The following TMCO4 variants were observed in gnomAD, a reference collection of about 807,000 sequenced individuals.
The protein encoded by TMCO4 is transmembrane and coiled-coil domains 4.
Under a neutral mutation model 64.7 loss-of-function variants are expected in TMCO4, and 58 were observed. The observed-to-expected ratio is 0.90, with a 90% CI of 0.73 to 1.12. The LOEUF (loss-of-function observed/expected upper bound fraction) is 1.12, where lower values mean the gene tolerates loss of function less well. TMCO4 is among the 50% of genes most tolerant of loss of function. The pLI is 0.00. For synonymous variants in TMCO4, 325 were observed against 346.1 expected, an observed-to-expected ratio of 0.94 and a Z score of 0.68; for missense variants, 780 against 825.9, an observed-to-expected ratio of 0.94 and a Z score of 0.68.
At chr1:19,714,023 A>G (rs547869383) in intron 13 of TMCO4, among the ~76,000 whole-genome samples, 1 of 152,074 alleles carries the variant, frequency 6.6e-6, no homozygotes, top group South Asian at 2.1e-4. Context: ...TGCAACTTCT[A>G]CCTCCCAGGT....
intron 2 of TMCO4, among the ~76,000 whole-genome samples, chr1:19,789,603 G>GA (rs1042853134): frequency 2.6e-5 from 4 of 151,828 alleles, no homozygotes; most frequent in Non-Finnish European, 5.9e-5. Flanking sequence ...TTATAATGTA[G>GA]AAAAAAACCC....
chr1:19,746,092 G>A (rs895608249), intron 9 of TMCO4, among the ~76,000 whole-genome samples: 6 of 152,194 alleles, frequency 3.9e-5, no homozygotes, highest in African/African-American at 7.2e-5. Context: ...GAGGGGGGCT[G>A]CTGCTGACAG....
intron 13 of TMCO4, among the ~76,000 whole-genome samples, chr1:19,723,008 G>T (rs1412938734): frequency 6.6e-6 from 1 of 152,172 alleles, no homozygotes; most frequent in Non-Finnish European, 1.5e-5. Flanking sequence ...TAGTGGGCAG[G>T]TTGCTGTACA....
In TMCO4 at chr1:19,682,797, T is replaced by G; in HGVS notation, c.*243A>C. 2 of 718,564 alleles carry G rather than the reference T, an allele frequency of 2.8e-6. No individual in the cohort carries two copies. Among genetic ancestry groups the G allele is most frequent in the Non-Finnish European group, 5.2e-6 (2 of 387,664 alleles). 44.5% of individuals were successfully genotyped at this position (718,564 alleles called of 1,614,324 possible). ...CTTGGTTGACTCTGCAGGTCTCTGA[T>G]GAGGGGGCAGCTGCTCCCTGGTGGG... On this transcript the variant is annotated 3_prime_UTR_variant, in exon 16 of 16. Coordinates refer to ENST00000294543, the MANE Select transcript of TMCO4 (RefSeq NM_181719.7).
chr1:19,795,038 C>G (rs2044237322), intron 2 of TMCO4, among the ~76,000 whole-genome samples: 1 of 152,086 alleles, frequency 6.6e-6, no homozygotes, highest in South Asian at 2.1e-4. Flanking sequence ...TGTGGAGTTT[C>G]AGATCTGCTA....
intron 4 of TMCO4, among the ~76,000 whole-genome samples, chr1:19,776,155 G>A (rs529810574): frequency 8.5e-5 from 13 of 152,280 alleles, no homozygotes; most frequent in African/African-American, 2.9e-4. Flanking sequence ...TGATCTGCCC[G>A]CCTCAGCATC....
intron 15 of TMCO4, among the ~76,000 whole-genome samples, chr1:19,685,897 T>C (rs188738818): frequency 6.6e-6 from 1 of 152,090 alleles, no homozygotes; most frequent in East Asian, 1.9e-4. Context: ...GGCTAATTTT[T>C]TTTGTATTTT....
chr1:19,708,013 C>A (rs749433064), intron 13 of TMCO4, among the ~76,000 whole-genome samples: 10 of 152,096 alleles, frequency 6.6e-5, no homozygotes, highest in Non-Finnish European at 1.0e-4. Flanking sequence ...CCCACCAGGC[C>A]TCTCCTTCAA....
intron 7 of TMCO4, chr1:19,750,475 A>G (rs2041979424): frequency 6.6e-6 from 1 of 152,218 alleles, no homozygotes; most frequent in African/African-American, 2.4e-5. Context: ...AAATGTAACT[A>G]TCAAATGACC....
intron 15 of TMCO4, among the ~76,000 whole-genome samples, chr1:19,692,330 G>T (rs759149076): frequency 1.7e-4 from 26 of 152,118 alleles, no homozygotes; most frequent in Admixed American, 4.6e-4. Flanking sequence ...ATTGGCTTCA[G>T]ACCTGGGTTT....
At chr1:19,749,647 T>A (rs958265657) in intron 7 of TMCO4, among the ~76,000 whole-genome samples, 3 of 152,128 alleles carry the variant, frequency 2.0e-5, no homozygotes, top group African/African-American at 7.2e-5. Flanking sequence ...GGACTACAGG[T>A]GTGAGCCACC....
At chr1:19,746,073 G>A (rs1488570953) in intron 9 of TMCO4, among the ~76,000 whole-genome samples, 1 of 152,224 alleles carries the variant, frequency 6.6e-6, no homozygotes, top group Non-Finnish European at 1.5e-5. Flanking sequence ...GACGAGGTTG[G>A]AGGAGTGGGA....
chr1:19,712,871 CG>C, intron 13 of TMCO4, among the ~76,000 whole-genome samples: 1 of 152,246 alleles, frequency 6.6e-6, no homozygotes, highest in South Asian at 2.1e-4. Context: ...ACAAATTGGC[CG>C]GGCAATTCTG....
chr1:19,683,574 A>C, intron 15 of TMCO4, 130 bp from the exon 16 acceptor site: 1 of 994,028 alleles, frequency 1.0e-6, no homozygotes, highest in African/African-American at 1.6e-5. Flanking sequence ...CAAACCCATG[A>C]CTCCATCCCT....
At position 19,743,347 on chromosome 1, in the gene TMCO4, AC is replaced by A. The variant is rs1250968677; in HGVS notation, c.877+2184del. 6.6e-6 allele frequency among the ~76,000 whole-genome samples: 1 copy of A among 152,222 alleles called. No individual in the cohort carries two copies. The highest frequency in any genetic ancestry group is 1.5e-5 in the Non-Finnish European group (1 of 68,038). Reference sequence around the variant, plus strand: ...GCTACAAAGTTTTTATCTTTATTGTACATAATCAAGATTAATAAAGGGGTGG... The same window carrying A: ...GCTACAAAGTTTTTATCTTTATTGTAATAATCAAGATTAATAAAGGGGTGG... On this transcript the variant is annotated intron_variant, in intron 10 of 15. Transcript: ENST00000294543. This position sits in a 1 kb window ranked among gnomAD's most constrained non-coding sequence, Gnocchi z 4.1.
intron 3 of TMCO4, among the ~76,000 whole-genome samples, chr1:19,783,667 G>A (rs1158871635): frequency 6.6e-6 from 1 of 152,118 alleles, no homozygotes; most frequent in African/African-American, 2.4e-5. Context: ...TCTTACAACC[G>A]AGGAACAGGC....
At chr1:19,709,350 C>A (rs377152585) in intron 13 of TMCO4, among the ~76,000 whole-genome samples, 3 of 148,320 alleles carry the variant, frequency 2.0e-5, no homozygotes, top group East Asian at 4.1e-4. Flanking sequence ...CCCCTCCCCC[C>A]ACCCCAGGGG....
In TMCO4 at chr1:19,747,225, C is replaced by A; in HGVS notation, c.551G>T (p.Arg184Leu). 1.9e-6 allele frequency: 3 copies of A among 1,614,026 alleles called. No homozygotes were observed. Among genetic ancestry groups the A allele is most frequent in the Non-Finnish European group, 2.5e-6 (3 of 1,179,960 alleles). Residue 184 changes from arginine to leucine, a missense_variant, in exon 8 of 16, where the codon CGG becomes CTG. By Grantham distance (102) the Arg-to-Leu change is moderately radical. Transcript: ENST00000294543. ...CAGGAGATAACGCTTCCATTTCCTC[C>A]GGTTTTCTTTCTTCTTTCGGGATGC... Reference protein sequence around the residue: ...AEASRKKKENRRKWKRYLLIG... With the variant: ...AEASRKKKENLRKWKRYLLIG...
intron 13 of TMCO4, among the ~76,000 whole-genome samples, chr1:19,723,863 A>C (rs958741004): frequency 6.6e-6 from 1 of 152,162 alleles, no homozygotes; most frequent in Non-Finnish European, 1.5e-5. Flanking sequence ...GTGGGTTAAC[A>C]GTGAAGCAGA....
Sources: allele counts gnomAD v4.1 joint callset (sites outside exome capture counted in the v4.1 genomes callset), GRCh38; gene constraint gnomAD v4.1.1; non-coding constraint Gnocchi (gnomAD v3.1); transcripts MANE v1.5; gene names NCBI Gene and HGNC (gene_info 2026-07-23, HGNC 2026-07-21).